The following SH3BGRL2 variants were observed in gnomAD, a reference collection of about 807,000 sequenced individuals.
SH3BGRL2 encodes SH3 domain-binding glutamic acid-rich-like protein 2.
In SH3BGRL2, 21 loss-of-function variants were observed where a neutral mutation model predicts 14.8. The ratio of observed to expected loss-of-function variants is 1.42; its 90% CI spans 1.01 to 2.05. The LOEUF is 2.05. Ranked by LOEUF, SH3BGRL2 falls within the 30% of genes most tolerant of loss-of-function variation. SH3BGRL2 has a pLI of 0.00. For missense variants in SH3BGRL2, 147 were observed against 130.8 expected, an observed-to-expected ratio of 1.12 and a Z score of -0.61; for synonymous variants, 50 against 47.8, an observed-to-expected ratio of 1.05 and a Z score of -0.19.
chr6:79,590,103 A>T, the SH3BGRL2 span, among the ~76,000 whole-genome samples: 158 of 152,210 alleles, frequency 1.0e-3, no homozygotes, highest in Middle Eastern at 0.027. Flanking sequence ...TGAAAGTAGC[A>T]TCTGCAAAAC....
At chr6:79,635,229 T>G (rs1768900242) in intron 1 of SH3BGRL2, among the ~76,000 whole-genome samples, 1 of 152,222 alleles carries the variant, frequency 6.6e-6, no homozygotes, top group Non-Finnish European at 1.5e-5. Flanking sequence ...TCATTAAAGT[T>G]CCTGGGCTCT....
chr6:79,626,629 A>T (rs1768730971), upstream of SH3BGRL2, among the ~76,000 whole-genome samples: 1 of 152,202 alleles, frequency 6.6e-6, no homozygotes, highest in Non-Finnish European at 1.5e-5. Context: ...TACAATGGAG[A>T]GAGAAACCTG....
the SH3BGRL2 span, among the ~76,000 whole-genome samples, chr6:79,550,996 A>G: frequency 6.6e-6 from 1 of 152,214 alleles, no homozygotes; most frequent in Admixed American, 6.5e-5. Context: ...CAAGCGTGCA[A>G]TGTTAGTTGA....
At chr6:79,567,500 T>C in the SH3BGRL2 span, among the ~76,000 whole-genome samples, 3 of 152,202 alleles carry the variant, frequency 2.0e-5, no homozygotes, top group Admixed American at 6.5e-5. Flanking sequence ...GACAGGCCTT[T>C]ACATATGTGA....
the SH3BGRL2 span, among the ~76,000 whole-genome samples, chr6:79,550,951 A>G: frequency 2.0e-5 from 3 of 152,196 alleles, no homozygotes; most frequent in African/African-American, 7.2e-5. Flanking sequence ...ATTTTCTCAC[A>G]AAACCAGCGA....
chr6:79,674,373 C>G (rs1388033886), intron 2 of SH3BGRL2, among the ~76,000 whole-genome samples: 3 of 152,050 alleles, frequency 2.0e-5, no homozygotes, highest in Non-Finnish European at 4.4e-5. Flanking sequence ...TGCTTTCCTG[C>G]TGCATGTAGC....
the SH3BGRL2 span, among the ~76,000 whole-genome samples, chr6:79,590,081 T>A: frequency 6.6e-6 from 1 of 152,056 alleles, no homozygotes; most frequent in Non-Finnish European, 1.5e-5. Flanking sequence ...CTGAATAGTA[T>A]TTTTTATAGT....
chr6:79,653,520 C>T (rs1034064430), intron 1 of SH3BGRL2, among the ~76,000 whole-genome samples: 34 of 152,066 alleles, frequency 2.2e-4, no homozygotes, highest in Non-Finnish European at 4.3e-4. Context: ...CGTAAAGTAA[C>T]TTTTGTGATT....
chr6:79,643,296 C>T (rs1490471164), intron 1 of SH3BGRL2, among the ~76,000 whole-genome samples: 1 of 152,086 alleles, frequency 6.6e-6, no homozygotes, highest in Non-Finnish European at 1.5e-5. Context: ...ACATTGCTCA[C>T]CAGAAGAGCC....
chr6:79,691,816 A>G (rs1400155451), intron 2 of SH3BGRL2, among the ~76,000 whole-genome samples: 16 of 151,812 alleles, frequency 1.1e-4, no homozygotes, highest in African/African-American at 3.6e-4. Flanking sequence ...CAATAAACAT[A>G]CGTGTGCATG....
At chr6:79,680,241 G>T in intron 2 of SH3BGRL2, among the ~76,000 whole-genome samples, 1 of 152,050 alleles carries the variant, frequency 6.6e-6, no homozygotes, top group East Asian at 1.9e-4. Flanking sequence ...TCTTCAATCC[G>T]TTTCAAGTTA....
intron 3 of SH3BGRL2, among the ~76,000 whole-genome samples, chr6:79,697,105 G>A (rs900334905): frequency 6.6e-6 from 1 of 151,980 alleles, no homozygotes; most frequent in Non-Finnish European, 1.5e-5. Context: ...GAAATGATGT[G>A]TGTTATCACA....
chr6:79,549,344 T>G, the SH3BGRL2 span, among the ~76,000 whole-genome samples: 1 of 152,198 alleles, frequency 6.6e-6, no homozygotes, highest in Non-Finnish European at 1.5e-5. Context: ...GAGGCAACAT[T>G]TGCAAAGGCC....
chr6:79,693,306 G>A (rs1426371583), intron 2 of SH3BGRL2, among the ~76,000 whole-genome samples: 1 of 151,742 alleles, frequency 6.6e-6, no homozygotes, highest in Non-Finnish European at 1.5e-5. Flanking sequence ...TCTGCAAACA[G>A]GGACAATTTG....
At chr6:79,617,941 G>A in the SH3BGRL2 span, among the ~76,000 whole-genome samples, 5 of 152,170 alleles carry the variant, frequency 3.3e-5, no homozygotes, top group Admixed American at 2.6e-4. Context: ...TTTCTGTGAA[G>A]CAGCCAGCAA....
intron 1 of SH3BGRL2, among the ~76,000 whole-genome samples, chr6:79,672,140 T>G (rs1442296601): frequency 6.6e-6 from 1 of 152,230 alleles, no homozygotes; most frequent in African/African-American, 2.4e-5. Flanking sequence ...ATCTCTGTGG[T>G]GTGTACTGCC....
chr6:79,637,563 G>T (rs142975779), intron 1 of SH3BGRL2, among the ~76,000 whole-genome samples: 15,996 of 151,838 alleles, frequency 0.11, 1,146 homozygotes, highest in Non-Finnish European at 0.15. Flanking sequence ...TATGGTGGCA[G>T]GCACCTGTAA....
intron 1 of SH3BGRL2, among the ~76,000 whole-genome samples, chr6:79,662,492 G>A (rs1769571972): frequency 6.6e-6 from 1 of 152,218 alleles, no homozygotes; most frequent in South Asian, 2.1e-4. Context: ...CATCCGACTT[G>A]TAAGGTTTCT....
the SH3BGRL2 span, among the ~76,000 whole-genome samples, chr6:79,559,064 C>T: frequency 0.64 from 96,996 of 151,984 alleles, 32,094 homozygotes; most frequent in Non-Finnish European, 0.73. Flanking sequence ...ATTGAAAAGG[C>T]CGGCACAGTG....
Sources: allele counts gnomAD v4.1 joint callset (sites outside exome capture counted in the v4.1 genomes callset), GRCh38; gene constraint gnomAD v4.1.1; transcripts MANE v1.5; gene names NCBI Gene and HGNC (gene_info 2026-07-23, HGNC 2026-07-21).